LDLRAD3: variants seen among roughly 807,000 people sequenced by gnomAD.
LDLRAD3 encodes the protein low density lipoprotein receptor class A domain containing 3.
Under a neutral mutation model 29.4 loss-of-function variants are expected in LDLRAD3, and 20 were observed. That is an observed-to-expected ratio of 0.68 (90% CI 0.48 to 0.99). The LOEUF (loss-of-function observed/expected upper bound fraction) is 0.99, where lower values mean the gene tolerates loss of function less well. Among genes scored for constraint, LDLRAD3 ranks in the 50% least tolerant of loss-of-function variants. The pLI, the probability that LDLRAD3 is intolerant of heterozygous loss-of-function variation, is 0.00. For synonymous variants in LDLRAD3, 157 were observed against 192.7 expected (o/e 0.81, Z 1.53); for missense variants, 420 against 454.3 (o/e 0.92, Z 0.69).
intron 2 of LDLRAD3, among the ~76,000 whole-genome samples, chr11:36,045,607 G>T (rs1356577878): frequency 1.3e-5 from 2 of 152,020 alleles, no homozygotes; most frequent in Non-Finnish European, 2.9e-5. Context: ...ACCTTGAATT[G>T]TAATAACCCT....
chr11:36,225,629 A>G (rs74451648), intron 4 of LDLRAD3, among the ~76,000 whole-genome samples: 1,649 of 152,084 alleles, frequency 0.011, 22 homozygotes, highest in African/African-American at 0.037. Flanking sequence ...CCTGGACTCA[A>G]CTCACGCACA....
chr11:36,097,574 C>T (rs1398813024), intron 3 of LDLRAD3, among the ~76,000 whole-genome samples: 1 of 151,860 alleles, frequency 6.6e-6, no homozygotes, highest in Non-Finnish European at 1.5e-5. Flanking sequence ...TGGAGAGTGG[C>T]AAAATAGATA....
At chr11:36,169,008 T>TCCCATTATA (rs2133345905) in intron 4 of LDLRAD3, among the ~76,000 whole-genome samples, 1 of 152,272 alleles carries the variant, frequency 6.6e-6, no homozygotes, top group South Asian at 2.1e-4. Context: ...ATGACTGTAT[T>TCCCATTATA]CCCATTATAG....
At chr11:36,025,208 A>G (rs986498205) in intron 1 of LDLRAD3, among the ~76,000 whole-genome samples, 4 of 151,986 alleles carry the variant, frequency 2.6e-5, no homozygotes, top group Non-Finnish European at 1.5e-5. Context: ...ATGCTTCCAT[A>G]TGTCTTTCAT....
intron 4 of LDLRAD3, among the ~76,000 whole-genome samples, chr11:36,181,225 C>T (rs988767603): frequency 1.4e-5 from 1 of 73,468 alleles, no homozygotes; most frequent in Non-Finnish European, 2.9e-5. Context: ...AATACCTACA[C>T]ATGGTAAAAA....
chr11:36,034,221 T>C (rs1403074613), intron 1 of LDLRAD3, among the ~76,000 whole-genome samples: 1 of 152,172 alleles, frequency 6.6e-6, no homozygotes, highest in African/African-American at 2.4e-5. Context: ...AGTTAAGAAA[T>C]GATTCATTTG....
chr11:35,959,223 C>T (rs1011320154), intron 1 of LDLRAD3, among the ~76,000 whole-genome samples: 6 of 152,176 alleles, frequency 3.9e-5, no homozygotes, highest in Admixed American at 2.6e-4. Context: ...AAGGATATGA[C>T]TGTGTTTGCA....
intron 4 of LDLRAD3, among the ~76,000 whole-genome samples, chr11:36,148,940 G>A (rs990969364): frequency 6.6e-6 from 1 of 152,228 alleles, no homozygotes; most frequent in East Asian, 1.9e-4. Flanking sequence ...AATGAAGTTA[G>A]TGAAATGGTC....
At chr11:35,997,979 C>T (rs754888837) in intron 1 of LDLRAD3, among the ~76,000 whole-genome samples, 8 of 152,144 alleles carry the variant, frequency 5.3e-5, no homozygotes, top group Non-Finnish European at 8.8e-5. Context: ...GCCTTTGCTG[C>T]CTTTTCAGAT....
intron 2 of LDLRAD3, among the ~76,000 whole-genome samples, chr11:36,037,767 CA>C (rs1174535195): frequency 6.6e-6 from 1 of 152,228 alleles, no homozygotes; most frequent in East Asian, 1.9e-4. Context: ...CCCATATCCC[CA>C]GTGCCTGCTC....
At chr11:35,989,018 T>C (rs1320532509) in intron 1 of LDLRAD3, 1 of 152,220 alleles carries the variant, frequency 6.6e-6, no homozygotes, top group African/African-American at 2.4e-5. Flanking sequence ...TGGTCTTATA[T>C]TTAAATCTCT....
At chr11:36,001,056 C>T (rs1851817460) in intron 1 of LDLRAD3, 1 of 152,120 alleles carries the variant, frequency 6.6e-6, no homozygotes, top group Non-Finnish European at 1.5e-5. Flanking sequence ...GTTGTGTGTT[C>T]TCTCTATTCA....
chr11:36,119,667 C>G (rs1009806299), intron 4 of LDLRAD3, among the ~76,000 whole-genome samples: 1 of 142,330 alleles, frequency 7.0e-6, no homozygotes. Flanking sequence ...TGTCCTTTGC[C>G]CATTTGTAAG....
chr11:36,016,228 G>C (rs1443135616), intron 1 of LDLRAD3, among the ~76,000 whole-genome samples: 1 of 152,204 alleles, frequency 6.6e-6, no homozygotes, highest in Non-Finnish European at 1.5e-5. Context: ...TTCTAAAAGG[G>C]AATAAAAGGA....
At chr11:36,053,981 T>G (rs59286712) in intron 2 of LDLRAD3, among the ~76,000 whole-genome samples, 7,418 of 152,244 alleles carry the variant, frequency 0.049, 469 homozygotes, top group African/African-American at 0.15. Context: ...TAGGGTATAT[T>G]TCAGAAGAAA....
chr11:36,041,480 T>G (rs1039767796), intron 2 of LDLRAD3, among the ~76,000 whole-genome samples: 1 of 152,240 alleles, frequency 6.6e-6, no homozygotes, highest in Non-Finnish European at 1.5e-5. Context: ...TGACATATTA[T>G]CATGTCAAAC....
At chr11:36,114,460 C>T (rs1853647693) in intron 4 of LDLRAD3, among the ~76,000 whole-genome samples, 1 of 152,170 alleles carries the variant, frequency 6.6e-6, no homozygotes, top group Admixed American at 6.5e-5. Flanking sequence ...CATTGTGACC[C>T]TTGGAAAGCC....
intron 4 of LDLRAD3, 107 bp from the exon 5 acceptor site, chr11:36,226,977 AG>A: frequency 1.2e-6 from 1 of 867,656 alleles, no homozygotes; most frequent in Non-Finnish European, 1.8e-6. Context: ...TATTGTGAAT[AG>A]GGCTACTGTG....
rs1477192825 is a variant in LDLRAD3, at chr11:35,965,915, C to CT, written c.46+21771_46+21772insT. 5.9e-5 allele frequency among the ~76,000 whole-genome samples: 9 copies of CT among 152,160 alleles called. No homozygotes were observed. In the East Asian group the frequency reaches 1.5e-3, roughly 26 times the overall value. On this transcript the variant is annotated intron_variant, in intron 1 of 5. Transcript: ENST00000315571. The stretch of plus-strand genomic sequence containing the variant: ...ACAATTTATCAAATACCTTTATGAC[C>CT]AACATTATTTTATAGCAGATCCTGA...
Sources: allele counts gnomAD v4.1 joint callset (sites outside exome capture counted in the v4.1 genomes callset), GRCh38; gene constraint gnomAD v4.1.1; transcripts MANE v1.5; gene names NCBI Gene and HGNC (gene_info 2026-07-23, HGNC 2026-07-21).